The following RDX variants were observed in gnomAD, a reference collection of about 807,000 sequenced individuals.
The protein encoded by RDX is deafness, autosomal recessive 24.
A neutral mutation model predicts 83.7 loss-of-function variants in RDX; 32 were observed. That is an observed-to-expected ratio of 0.38 (90% confidence interval 0.29 to 0.51). The LOEUF (loss-of-function observed/expected upper bound fraction) is 0.51. RDX is among the 20% of genes least tolerant of loss of function. The probability of loss-of-function intolerance (pLI) is 0.87; values close to 1 mark genes in which losing one functional copy is unlikely to be tolerated. For synonymous variants in RDX, 229 were observed against 222.7 expected (o/e 1.03, Z -0.25); for missense variants, 600 against 689.9 (o/e 0.87, Z 1.46).
chr11:110,248,432 T>A (rs1051584129), intron 9 of RDX, among the ~76,000 whole-genome samples: 1 of 152,158 alleles, frequency 6.6e-6, no homozygotes, highest in Non-Finnish European at 1.5e-5. Context: ...TTCCAATGTA[T>A]TACTTATTGT....
intron 3 of RDX, among the ~76,000 whole-genome samples, chr11:110,270,680 T>C (rs116227364): frequency 2.3e-4 from 35 of 152,300 alleles, no homozygotes; most frequent in African/African-American, 8.2e-4. Flanking sequence ...ACTACAACTA[T>C]TGCAGGCAGT....
chr11:110,250,257 A>G (rs1859274038), intron 9 of RDX, among the ~76,000 whole-genome samples: 1 of 152,204 alleles, frequency 6.6e-6, no homozygotes, highest in Non-Finnish European at 1.5e-5. Context: ...TGTGAAAGCA[A>G]AAGAAGCAAA....
chr11:110,217,501 C>T (rs1159793622), intron 14 of RDX, among the ~76,000 whole-genome samples: 1 of 152,182 alleles, frequency 6.6e-6, no homozygotes, highest in Non-Finnish European at 1.5e-5. Context: ...CCAGAACGTA[C>T]ACAAAGTACA....
At chr11:110,222,086 T>G (rs2134277942) in intron 14 of RDX, among the ~76,000 whole-genome samples, 1 of 152,340 alleles carries the variant, frequency 6.6e-6, no homozygotes, top group East Asian at 1.9e-4. Context: ...TAATTCAGCA[T>G]TCCTTTAATA....
At chr11:110,208,012 C>CG (rs1863670435) in intron 14 of RDX, among the ~76,000 whole-genome samples, 1 of 147,814 alleles carries the variant, frequency 6.8e-6, no homozygotes, top group East Asian at 2.0e-4. Flanking sequence ...TTAATAGAGA[C>CG]GGGGCACCAT....
intron 1 of RDX, among the ~76,000 whole-genome samples, chr11:110,284,367 C>T (rs1860891922): frequency 1.3e-5 from 2 of 152,144 alleles, no homozygotes; most frequent in South Asian, 4.1e-4. Context: ...AATGTTGATA[C>T]TATGTGATAA....
rs71053877 is a variant in RDX, at chr11:110,267,515, A to AACACACACAC, written c.97-2651_97-2642dup. On this transcript the variant is annotated intron_variant, in intron 3 of 13. Transcript: ENST00000645495. The stretch of plus-strand genomic sequence containing the variant: ...GTGCCAGAGCGAGACTCCGTCTCAA[A>AACACACACAC]ACACACACACACACACACACACACA... 2.5e-3 allele frequency among the ~76,000 whole-genome samples: 331 copies of AACACACACAC among 131,432 alleles called. 4 individuals carry two copies. The highest frequency in any genetic ancestry group is 8.7e-3 in the Middle Eastern group (2 of 230). The allele number at this position is 131,432 out of a possible 152,430, so 86.2% of individuals were successfully genotyped here. A position where few individuals can be genotyped will look rare whatever the true frequency, so the allele number is the denominator to read the frequency against.
chr11:110,266,312 G>A (rs1005058396), intron 3 of RDX, among the ~76,000 whole-genome samples: 4 of 151,426 alleles, frequency 2.6e-5, no homozygotes, highest in African/African-American at 7.3e-5. Context: ...CAGCCTGGGC[G>A]ACAGAGCAAG....
chr11:110,175,980 T>C (rs1476265001), intron 15 of RDX, among the ~76,000 whole-genome samples: 1 of 151,806 alleles, frequency 6.6e-6, no homozygotes, highest in African/African-American at 2.4e-5. Context: ...TGAAGGGAGG[T>C]GGGAAGCAGT....
rs1408607758 is a variant in RDX, at chr11:110,230,741, T to C, written c.*1128A>G. 2.0e-5 allele frequency: 3 copies of C among 152,548 alleles called. No homozygotes were observed. Among genetic ancestry groups the C allele is most frequent in the African/African-American group, 7.2e-5 (3 of 41,428 alleles). 9.4% of individuals were successfully genotyped at this position (152,548 alleles called of 1,614,324 possible). On this transcript the variant is annotated 3_prime_UTR_variant, in exon 14 of 14. Coordinates refer to ENST00000645495, the MANE Select transcript of RDX (RefSeq NM_002906.4). ...CAGTTTGACTCGACAAAAAGGCAGT[T>C]AAAAATTTAGCACTCTTAAGATATT...
chr11:110,247,591 T>C, intron 10 of RDX, 112 bp downstream of exon 10: 1 of 1,082,728 alleles, frequency 9.2e-7, no homozygotes, highest in Non-Finnish European at 1.3e-6. Flanking sequence ...GCCAATTAAA[T>C]ATACAATTGT....
At chr11:110,240,556 A>G (rs1865046185) in intron 10 of RDX, among the ~76,000 whole-genome samples, 1 of 151,086 alleles carries the variant, frequency 6.6e-6, no homozygotes, top group Non-Finnish European at 1.5e-5. Flanking sequence ...ATCCTGGCTA[A>G]CACGGTGAAA....
intron 14 of RDX, among the ~76,000 whole-genome samples, chr11:110,207,853 T>C (rs1863662980): frequency 6.6e-6 from 1 of 152,212 alleles, no homozygotes; most frequent in Admixed American, 6.5e-5. Flanking sequence ...TTTGCCCTAT[T>C]TGCTCTAATT....
chr11:110,226,142 A>G (rs1286729800), downstream of RDX, among the ~76,000 whole-genome samples: 1 of 152,174 alleles, frequency 6.6e-6, no homozygotes, highest in Admixed American at 6.5e-5. Context: ...TGTACCCCAA[A>G]GAACTGAAAG....
At chr11:110,281,112 C>A (rs550381362) in intron 1 of RDX, among the ~76,000 whole-genome samples, 1 of 152,118 alleles carries the variant, frequency 6.6e-6, no homozygotes, top group African/African-American at 2.4e-5. Flanking sequence ...TTGCAGTGAG[C>A]CGACATGGTC....
chr11:110,233,486 A>G lies in RDX; in HGVS notation c.1345-7T>C, dbSNP rs142161673. 3.0e-4 allele frequency: 487 copies of G among 1,614,050 alleles called. No homozygotes were observed. The highest frequency in any genetic ancestry group is 6.7e-4 in the Admixed American group (40 of 59,990). On this transcript the variant is annotated splice_region_variant and splice_polypyrimidine_tract_variant and intron_variant, in intron 12 of 13. Coordinates refer to ENST00000645495, the MANE Select transcript of RDX (RefSeq NM_002906.4). ...CTTCCTGGGCTGCAAAAGCCTGAAC[A>G]TTAAAAATACGTTTATGAGCAACTT...
chr11:110,226,391 T>C (rs1358253416), downstream of RDX, among the ~76,000 whole-genome samples: 3 of 152,174 alleles, frequency 2.0e-5, no homozygotes, highest in African/African-American at 2.4e-5. Flanking sequence ...ACAAATATTG[T>C]ATGAGTTCAC....
intron 3 of RDX, among the ~76,000 whole-genome samples, chr11:110,270,051 A>AT (rs200673686): frequency 2.8e-3 from 424 of 151,816 alleles, no homozygotes; most frequent in African/African-American, 1.0e-2. Context: ...CTAAAAAAAA[A>AT]TTTTTTTTTA....
In RDX at chr11:110,237,371, C is replaced by T. The variant is rs529351329; in HGVS notation, c.1251+121G>A. Reference sequence around the variant, plus strand: ...TTGTCTACATTTTGTTATTAAGTTACATGTTATCTTTGGCTTGCTCTCCAG... The same window carrying T: ...TTGTCTACATTTTGTTATTAAGTTATATGTTATCTTTGGCTTGCTCTCCAG... On this transcript the variant is annotated intron_variant, in intron 11 of 13. Coordinates refer to ENST00000645495, the MANE Select transcript of RDX (RefSeq NM_002906.4). 8.2e-6 allele frequency: 7 copies of T among 857,722 alleles called. No homozygotes were observed. The South Asian group carries it at 1.2e-4, about 15-fold the overall frequency. 53.1% of individuals were successfully genotyped at this position (857,722 alleles called of 1,614,324 possible). A position where few individuals can be genotyped will look rare whatever the true frequency, so the allele number is the denominator to read the frequency against.
Sources: gnomAD v4.1 joint callset for allele counts (sites outside exome capture counted in the v4.1 genomes callset) on GRCh38, gnomAD v4.1.1 for gene constraint, MANE v1.5 for transcripts, NCBI Gene and HGNC (gene_info 2026-07-23, HGNC 2026-07-21) for gene names.